Variants in MEF2A observed in about 807,000 individuals in gnomAD.
The protein encoded by MEF2A is myocyte enhancer factor 2A.
MEF2A carries 28 observed loss-of-function variants against 55.8 expected under a neutral mutation model. The observed-to-expected ratio is 0.50, with a 90% CI of 0.37 to 0.69. The LOEUF is 0.69. MEF2A is among the 30% of genes least tolerant of loss of function. MEF2A has a pLI of 0.00. For missense variants in MEF2A, 528 were observed against 626.2 expected, an observed-to-expected ratio of 0.84 and a Z score of 1.67; for synonymous variants, 239 against 227.1, an observed-to-expected ratio of 1.05 and a Z score of -0.47.
At chr15:99,708,936 G>GT (rs1176265245) in intron 10 of MEF2A, among the ~76,000 whole-genome samples, 1 of 152,174 alleles carries the variant, frequency 6.6e-6, no homozygotes, top group Non-Finnish European at 1.5e-5. Flanking sequence ...GACTAGAGAG[G>GT]TAAGTAATGA....
chr15:99,602,012 C>A (rs1012812174), intron 2 of MEF2A, among the ~76,000 whole-genome samples: 3 of 152,092 alleles, frequency 2.0e-5, no homozygotes, highest in African/African-American at 7.2e-5. Flanking sequence ...TAAACTGTTA[C>A]CAGCGGTGAA....
chr15:99,611,329 C>T (rs868274065), intron 2 of MEF2A, among the ~76,000 whole-genome samples: 23 of 152,108 alleles, frequency 1.5e-4, no homozygotes, highest in African/African-American at 1.7e-4. Flanking sequence ...AATATATGAA[C>T]TCTTACATCG....
rs200981141 is a variant in MEF2A, at chr15:99,624,685, G to A, written c.-142-8293G>A. ...TGAGATTTCATACGAGTTTTAGGGT[G>A]ACCTTTTCTATTTCTGCAAAAATAC... On this transcript the variant is annotated intron_variant, in intron 2 of 11. Transcript: ENST00000557942. 3.3e-5 allele frequency among the ~76,000 whole-genome samples: 5 copies of A among 152,288 alleles called. No individual in the cohort carries two copies. In the East Asian group the frequency reaches 9.6e-4, roughly 29 times the overall value.
chr15:99,615,511 G>A (rs1000959013), intron 2 of MEF2A, among the ~76,000 whole-genome samples: 1 of 152,106 alleles, frequency 6.6e-6, no homozygotes, highest in Non-Finnish European at 1.5e-5. Flanking sequence ...CTTCATATGT[G>A]TTATCTCTTA....
At chr15:99,685,344 T>C (rs2054021763) in intron 7 of MEF2A, among the ~76,000 whole-genome samples, 1 of 152,190 alleles carries the variant, frequency 6.6e-6, no homozygotes, top group Non-Finnish European at 1.5e-5. Flanking sequence ...TGTGTTTCCA[T>C]TTGTTTGTGT....
rs149795268 is a variant in MEF2A at position 99,594,538 on chromosome 15, A to G, written c.-224-3892A>G. On this transcript the variant is annotated intron_variant, in intron 1 of 11. Transcript: ENST00000557942. ...ATACATCATTGACCGTTGGTAATCA[A>G]CTCAACCTTCAGTCTCTCTCCCCTC... Among the ~76,000 whole-genome samples, 595 of 148,106 alleles carry G rather than the reference A, an allele frequency of 4.0e-3. 6 individuals are homozygous for G. The highest frequency in any genetic ancestry group is 0.014 in the African/African-American group (555 of 39,558).
intron 1 of MEF2A, among the ~76,000 whole-genome samples, chr15:99,591,823 G>C (rs1005643691): frequency 2.6e-5 from 4 of 151,912 alleles, no homozygotes; most frequent in Non-Finnish European, 5.9e-5. Flanking sequence ...TTTAGAAAAT[G>C]CATTTTATTC....
At chr15:99,684,263 C>G (rs1597134822) in intron 7 of MEF2A, among the ~76,000 whole-genome samples, 1 of 152,206 alleles carries the variant, frequency 6.6e-6, no homozygotes, top group South Asian at 2.1e-4. Flanking sequence ...CATAGTTCTA[C>G]TTTTAGTTCT....
intron 2 of MEF2A, among the ~76,000 whole-genome samples, chr15:99,619,789 TA>T (rs1166352077): frequency 6.6e-6 from 1 of 152,248 alleles, no homozygotes; most frequent in Non-Finnish European, 1.5e-5. Context: ...TTTCCTGTTA[TA>T]AAAAGTCACT....
intron 2 of MEF2A, among the ~76,000 whole-genome samples, chr15:99,605,670 TAA>T (rs747968570): frequency 1.0e-4 from 14 of 138,508 alleles, no homozygotes; most frequent in Admixed American, 2.2e-4. Flanking sequence ...ATTTTAGATT[TAA>T]AAAAAAAAAA....
At chr15:99,621,235 G>A (rs1307162032) in intron 2 of MEF2A, among the ~76,000 whole-genome samples, 2 of 152,106 alleles carry the variant, frequency 1.3e-5, no homozygotes, top group Non-Finnish European at 2.9e-5. Flanking sequence ...AACATTTATT[G>A]TACAGTGTTC....
At chr15:99,653,813 A>G (rs1474244347) in intron 4 of MEF2A, among the ~76,000 whole-genome samples, 1 of 152,134 alleles carries the variant, frequency 6.6e-6, no homozygotes, top group African/African-American at 2.4e-5. Flanking sequence ...CCTGTAACTC[A>G]GTGGAGAATA....
intron 2 of MEF2A, among the ~76,000 whole-genome samples, chr15:99,601,810 TGTGTG>T (rs1567200386): frequency 4.3e-3 from 10 of 2,310 alleles, no homozygotes; most frequent in Admixed American, 7.6e-3. Context: ...GTCTGTTTTG[TGTGTG>T]TGTGTGTGTG....
chr15:99,623,580 A>G (rs1365964184), intron 2 of MEF2A, among the ~76,000 whole-genome samples: 1 of 152,148 alleles, frequency 6.6e-6, no homozygotes, highest in Non-Finnish European at 1.5e-5. Flanking sequence ...GTTTCTTAAT[A>G]GCCATTTGAA....
intron 1 of MEF2A, among the ~76,000 whole-genome samples, chr15:99,593,919 G>C (rs1970227900): frequency 6.6e-6 from 1 of 152,050 alleles, no homozygotes; most frequent in African/African-American, 2.4e-5. Context: ...ATTTGAGATA[G>C]GTAAAAAACA....
intron 10 of MEF2A, among the ~76,000 whole-genome samples, chr15:99,707,110 C>G (rs1178624922): frequency 6.6e-6 from 1 of 152,156 alleles, no homozygotes; most frequent in Non-Finnish European, 1.5e-5. Flanking sequence ...CACAAAGCCA[C>G]GTGGATGATA....
At chr15:99,567,137 T>C (rs1960000440) in intron 1 of MEF2A, among the ~76,000 whole-genome samples, 2 of 152,262 alleles carry the variant, frequency 1.3e-5, no homozygotes, top group Admixed American at 6.5e-5. Context: ...CCTCCTGTTA[T>C]GGTCCAGCAG....
intron 4 of MEF2A, among the ~76,000 whole-genome samples, chr15:99,666,804 C>T (rs1304977630): frequency 1.3e-5 from 2 of 152,126 alleles, no homozygotes; most frequent in Non-Finnish European, 2.9e-5. Flanking sequence ...ATGCCCTCCT[C>T]TCTTCCTCCA....
intron 1 of MEF2A, among the ~76,000 whole-genome samples, chr15:99,575,126 C>G (rs1031569907): frequency 1.3e-5 from 2 of 151,946 alleles, no homozygotes; most frequent in Non-Finnish European, 2.9e-5. Context: ...TTCCCTTACC[C>G]CTAAATACTT....
Sources: gnomAD v4.1 joint callset for allele counts (sites outside exome capture counted in the v4.1 genomes callset) on GRCh38, gnomAD v4.1.1 for gene constraint, MANE v1.5 for transcripts, NCBI Gene and HGNC (gene_info 2026-07-23, HGNC 2026-07-21) for gene names.